The following SMYD3 variants were observed in gnomAD, a reference collection of about 807,000 sequenced individuals.
The protein encoded by SMYD3 is SET and MYND domain containing 3, also known as histone-lysine N-methyltransferase SMYD3.
SMYD3 carries 36 observed loss-of-function variants against 57.7 expected under a neutral mutation model. That is an observed-to-expected ratio of 0.62 (90% confidence interval 0.48 to 0.82). The LOEUF is 0.82. Among genes scored for constraint, SMYD3 ranks in the 40% least tolerant of loss-of-function variants. The pLI is 0.00. For missense variants in SMYD3, 515 were observed against 538.8 expected (o/e 0.96, Z 0.44); for synonymous variants, 211 against 195.0 (o/e 1.08, Z -0.68).
At chr1:245,760,378 G>A (rs1342342789) in intron 11 of SMYD3, among the ~76,000 whole-genome samples, 1 of 152,084 alleles carries the variant, frequency 6.6e-6, no homozygotes, top group African/African-American at 2.4e-5. Flanking sequence ...CAGGTTACCC[G>A]AGTCCTGAGA....
chr1:246,173,869 G>A (rs2062387256), intron 5 of SMYD3, among the ~76,000 whole-genome samples: 1 of 152,022 alleles, frequency 6.6e-6, no homozygotes. Flanking sequence ...TGCAGTAGCG[G>A]GATCATAGCT....
chr1:245,923,357 G>A (rs58971373), intron 7 of SMYD3, among the ~76,000 whole-genome samples: 226 of 151,198 alleles, frequency 1.5e-3, no homozygotes, highest in African/African-American at 5.2e-3. Flanking sequence ...ATCATGTCCC[G>A]CTGCTCGTCC....
At chr1:246,344,581 G>A (rs563707366) in intron 2 of SMYD3, among the ~76,000 whole-genome samples, 1 of 152,080 alleles carries the variant, frequency 6.6e-6, no homozygotes, top group Non-Finnish European at 1.5e-5. Flanking sequence ...ATAACTCTTA[G>A]GTAAATAACT....
At chr1:246,151,065 G>C (rs866362043) in intron 5 of SMYD3, among the ~76,000 whole-genome samples, 2 of 152,030 alleles carry the variant, frequency 1.3e-5, no homozygotes, top group Non-Finnish European at 2.9e-5. Flanking sequence ...GGCCAAGATG[G>C]TGAAACCCTG....
chr1:246,191,144 A>G (rs767607367), intron 5 of SMYD3, among the ~76,000 whole-genome samples: 14 of 152,250 alleles, frequency 9.2e-5, no homozygotes, highest in Non-Finnish European at 1.9e-4. Flanking sequence ...ATGTTTTGGT[A>G]CCAATTAAAG....
At chr1:245,964,982 A>G (rs1201268869) in intron 5 of SMYD3, among the ~76,000 whole-genome samples, 1 of 152,184 alleles carries the variant, frequency 6.6e-6, no homozygotes, top group Non-Finnish European at 1.5e-5. Context: ...TGAAGCTTAG[A>G]GAACACTAAG....
intron 5 of SMYD3, among the ~76,000 whole-genome samples, chr1:246,297,466 C>T (rs914711717): frequency 1.4e-4 from 21 of 152,214 alleles, no homozygotes; most frequent in African/African-American, 4.8e-4. Context: ...AGGGAAACAA[C>T]GCATCCAAGA....
intron 1 of SMYD3, among the ~76,000 whole-genome samples, chr1:246,495,914 C>T (rs2103073020): frequency 6.6e-6 from 1 of 151,702 alleles, no homozygotes; most frequent in African/African-American, 2.4e-5. Context: ...GCAGTGAGCT[C>T]AGATCATGCC....
chr1:246,273,873 G>A (rs1780821), intron 5 of SMYD3, among the ~76,000 whole-genome samples: 2 of 151,920 alleles, frequency 1.3e-5, no homozygotes, highest in Admixed American at 6.6e-5. Flanking sequence ...CACTGCGCCC[G>A]GCCACTAATC....
intron 5 of SMYD3, among the ~76,000 whole-genome samples, chr1:246,312,130 G>A (rs140857407): frequency 6.6e-6 from 1 of 152,140 alleles, no homozygotes; most frequent in Non-Finnish European, 1.5e-5. Context: ...CAAGCTGCTT[G>A]CAGTCTATGC....
At chr1:246,342,300 G>A (rs2065645097) in intron 2 of SMYD3, among the ~76,000 whole-genome samples, 1 of 152,100 alleles carries the variant, frequency 6.6e-6, no homozygotes, top group South Asian at 2.1e-4. Context: ...CATCTACAGA[G>A]GTTTCCTATG....
At chr1:245,885,710 T>C (rs1205861790) in intron 8 of SMYD3, among the ~76,000 whole-genome samples, 1 of 152,174 alleles carries the variant, frequency 6.6e-6, no homozygotes, top group East Asian at 1.9e-4. Flanking sequence ...GGCCACTATA[T>C]AGTTATGGGG....
intron 5 of SMYD3, among the ~76,000 whole-genome samples, chr1:246,012,250 G>C (rs1328688249): frequency 6.6e-6 from 1 of 152,110 alleles, no homozygotes; most frequent in Non-Finnish European, 1.5e-5. Context: ...TGACAATAAA[G>C]ACCCAAGCAT....
chr1:245,773,092 A>T (rs2046404276), intron 10 of SMYD3, among the ~76,000 whole-genome samples: 1 of 66,958 alleles, frequency 1.5e-5, no homozygotes, highest in Admixed American at 1.5e-4. Context: ...AGAATCACTA[A>T]AAAAAAAAAA....
At chr1:246,396,264 C>T (rs1459831168) in intron 1 of SMYD3, among the ~76,000 whole-genome samples, 3 of 152,198 alleles carry the variant, frequency 2.0e-5, no homozygotes, top group Non-Finnish European at 2.9e-5. Flanking sequence ...CCTACTGGTA[C>T]ATGTCTCCAT....
intron 5 of SMYD3, among the ~76,000 whole-genome samples, chr1:246,113,127 A>G (rs1373674841): frequency 6.6e-6 from 1 of 152,002 alleles, no homozygotes; most frequent in East Asian, 1.9e-4. Flanking sequence ...GCTTGCAGTG[A>G]GCCGAGATCA....
intron 1 of SMYD3, among the ~76,000 whole-genome samples, chr1:246,358,288 A>G (rs560554689): frequency 2.0e-5 from 3 of 152,322 alleles, no homozygotes; most frequent in African/African-American, 7.2e-5. Context: ...ATATGCACCT[A>G]ACACTGGAGC....
intron 5 of SMYD3, among the ~76,000 whole-genome samples, chr1:245,973,390 T>G (rs1263539839): frequency 2.6e-5 from 4 of 152,240 alleles, no homozygotes; most frequent in Non-Finnish European, 5.9e-5. Flanking sequence ...CTGCAAATGT[T>G]TATTAAACTA....
At chr1:245,816,573 A>G (rs992935986) in intron 10 of SMYD3, among the ~76,000 whole-genome samples, 1 of 149,712 alleles carries the variant, frequency 6.7e-6, no homozygotes, top group Non-Finnish European at 1.5e-5. Context: ...GAACAGCTCC[A>G]GTCTACAGCT....
Sources: gnomAD v4.1 joint callset for allele counts (sites outside exome capture counted in the v4.1 genomes callset) on GRCh38, gnomAD v4.1.1 for gene constraint, MANE v1.5 for transcripts, NCBI Gene and HGNC (gene_info 2026-07-23, HGNC 2026-07-21) for gene names.